The following TANGO2 variants were observed in gnomAD, a reference collection of about 807,000 sequenced individuals.
TANGO2 encodes transport and golgi organization 2 homolog, also known as transport and Golgi organization protein 2 homolog.
Under a neutral mutation model 39.1 loss-of-function variants are expected in TANGO2, and 26 were observed. The observed-to-expected ratio is 0.67, with a 90% CI of 0.49 to 0.92. TANGO2 has a LOEUF of 0.92. TANGO2 is among the 40% of genes least tolerant of loss of function. TANGO2 has a pLI of 0.00. For missense variants in TANGO2, 326 were observed against 360.1 expected (o/e 0.91, Z 0.77); for synonymous variants, 131 against 144.5 (o/e 0.91, Z 0.67).
At chr22:20,027,299 C>G (rs1303225376) in intron 1 of TANGO2, among the ~76,000 whole-genome samples, 1 of 152,192 alleles carries the variant, frequency 6.6e-6, no homozygotes, top group Non-Finnish European at 1.5e-5. Context: ...GAATTAAATT[C>G]AACGTGAGAT....
rs1484312100 is a variant in TANGO2, at chr22:20,050,839, TG to T, written c.146-1623del. Among the ~76,000 whole-genome samples the T allele has an allele frequency of 4.9e-4, 70 of 143,822 alleles. 1 individual carries two copies. The East Asian group carries it at 0.013, about 27-fold the overall frequency. 94.4% of individuals were successfully genotyped at this position (143,822 alleles called of 152,430 possible). A position where few individuals can be genotyped will look rare whatever the true frequency, so the allele number is the denominator to read the frequency against. ...CTGCTGGTTGCAAATACAGTTTTGT[TG>T]GGTTTTTTTTTTTTTTTTGAGACAG... On this transcript the variant is annotated intron_variant, in intron 3 of 8. Coordinates refer to ENST00000327374, the MANE Select transcript of TANGO2 (RefSeq NM_152906.7).
intron 2 of TANGO2, among the ~76,000 whole-genome samples, chr22:20,040,929 G>A (rs977169030): frequency 6.6e-6 from 1 of 152,224 alleles, no homozygotes; most frequent in Non-Finnish European, 1.5e-5. Context: ...CCTGGGGCCA[G>A]CTGGGTGTCA....
chr22:20,038,422 C>G (rs1168997642), intron 2 of TANGO2, among the ~76,000 whole-genome samples: 3 of 152,184 alleles, frequency 2.0e-5, no homozygotes, highest in African/African-American at 7.2e-5. Context: ...GAGACTCAAC[C>G]CACCCCGAGT....
intron 2 of TANGO2, among the ~76,000 whole-genome samples, chr22:20,038,813 CT>C (rs1465556888): frequency 1.3e-5 from 2 of 152,122 alleles, no homozygotes; most frequent in Non-Finnish European, 2.9e-5. Flanking sequence ...TATGGAGCCC[CT>C]GACAGCACCT....
chr22:20,032,481 G>A (rs1297443347), intron 1 of TANGO2, among the ~76,000 whole-genome samples: 1 of 152,278 alleles, frequency 6.6e-6, no homozygotes, highest in African/African-American at 2.4e-5. Flanking sequence ...AGACCCTCCT[G>A]CCTGCCTCTT....
chr22:20,043,451 T>C lies in TANGO2; in HGVS notation c.145+8T>C. 1 of 1,603,866 alleles carries C rather than the reference T, an allele frequency of 6.2e-7. No individual in the cohort carries two copies. On this transcript the variant is annotated splice_region_variant and intron_variant, in intron 3 of 8. Transcript: ENST00000327374. Reference sequence around the variant, plus strand: ...ACAACGAGATCCTCAGTGGTGAGTCTTCCTGCGTGCTCAGCGGTGGCTGCG... The same window carrying C: ...ACAACGAGATCCTCAGTGGTGAGTCCTCCTGCGTGCTCAGCGGTGGCTGCG...
intron 1 of TANGO2, among the ~76,000 whole-genome samples, chr22:20,026,041 G>A (rs1392726323): frequency 1.3e-5 from 2 of 152,234 alleles, no homozygotes; most frequent in East Asian, 3.9e-4. Flanking sequence ...TTGGCTGTGC[G>A]TTTGGGAAGC....
At position 20,038,519 on chromosome 22, in the gene TANGO2, T is replaced by C. The variant is rs376632686; in HGVS notation, c.56+1665T>C. ...GCCCCTTGGGTGGAGAGGAGGAGGG[T>C]TGACATGGGCCCCTCTTGCTTTCAC... On this transcript the variant is annotated intron_variant, in intron 2 of 8. Transcript: ENST00000327374. Among the ~76,000 whole-genome samples the C allele has an allele frequency of 1.1e-4, 16 of 151,994 alleles. No individual in the cohort carries two copies. The East Asian group carries it at 1.5e-3, about 15-fold the overall frequency.
Position 20,064,876 on chromosome 22 carries a change from A to T in TANGO2, c.*214A>T, listed in dbSNP as rs1356411112. ...TGCCAGTGAGGAGCAGCAGAGTCTG[A>T]TACTAGGTCTAGGACCGGCCGAGGT... On this transcript the variant is annotated 3_prime_UTR_variant, in exon 9 of 9. Transcript: ENST00000327374. The T allele has an allele frequency of 1.6e-5, 10 of 614,778 alleles. No individual in the cohort carries two copies. Among genetic ancestry groups the T allele is most frequent in the Non-Finnish European group, 2.5e-5 (9 of 360,540 alleles). The allele number at this position is 614,778 out of a possible 1,614,324, so 38.1% of individuals were successfully genotyped here. A position where few individuals can be genotyped will look rare whatever the true frequency, so the allele number is the denominator to read the frequency against.
At chr22:20,031,534 G>A (rs986949514) in intron 1 of TANGO2, among the ~76,000 whole-genome samples, 4 of 152,204 alleles carry the variant, frequency 2.6e-5, no homozygotes, top group African/African-American at 9.6e-5. Context: ...TGCCCACACG[G>A]CCTCCTGTTG....
chr22:20,044,789 T>G (rs2044776680), intron 3 of TANGO2, among the ~76,000 whole-genome samples: 1 of 152,114 alleles, frequency 6.6e-6, no homozygotes, highest in South Asian at 2.1e-4. Flanking sequence ...GGTGGAAGGT[T>G]TTCATAGATG....
chr22:20,035,885 C>T (rs1387860337), intron 1 of TANGO2, among the ~76,000 whole-genome samples: 1 of 152,138 alleles, frequency 6.6e-6, no homozygotes, highest in Non-Finnish European at 1.5e-5. Flanking sequence ...ATTGGCTTAG[C>T]TCAGCAAACT....
intron 1 of TANGO2, among the ~76,000 whole-genome samples, chr22:20,035,595 C>T (rs1447261770): frequency 6.6e-6 from 1 of 152,206 alleles, no homozygotes; most frequent in Admixed American, 6.5e-5. Flanking sequence ...GCTAAGTGTG[C>T]AGTCACCCAG....
intron 4 of TANGO2, among the ~76,000 whole-genome samples, chr22:20,052,903 G>A (rs1383672946): frequency 6.6e-6 from 1 of 152,178 alleles, no homozygotes; most frequent in East Asian, 1.9e-4. Flanking sequence ...CCGCCACTGA[G>A]GTGTGCTGCA....
chr22:20,042,671 G>A (rs748359538), intron 2 of TANGO2, among the ~76,000 whole-genome samples: 9 of 152,006 alleles, frequency 5.9e-5, no homozygotes, highest in African/African-American at 1.4e-4. Context: ...AGGCTGAGGC[G>A]GGAGAATAGC....
At chr22:20,055,789 C>T (rs1602290859) in intron 5 of TANGO2, 154 bp from the exon 6 acceptor site, 4 of 667,490 alleles carry the variant, frequency 6.0e-6, no homozygotes, top group East Asian at 5.4e-5. Context: ...CTGCCAGGCA[C>T]CTGAGGGGCT....
At chr22:20,054,402 G>T (rs987827000) in intron 5 of TANGO2, 2 of 153,168 alleles carry the variant, frequency 1.3e-5, no homozygotes, top group East Asian at 1.9e-4. Context: ...CACTTTTCCC[G>T]GTCAGTAGTT....
At chr22:20,064,279 G>A (rs1414811477) in intron 8 of TANGO2, among the ~76,000 whole-genome samples, 5 of 152,228 alleles carry the variant, frequency 3.3e-5, no homozygotes, top group Non-Finnish European at 1.5e-5. Context: ...TACACGGGGA[G>A]AGCAGGGCAG....
At position 20,065,087 on chromosome 22, in the gene TANGO2, GACAC is replaced by G. The variant is rs372265007; in HGVS notation, c.*435_*438del. 13 of 184,704 alleles carry G rather than the reference GACAC, an allele frequency of 7.0e-5. No individual in the cohort carries two copies. In the South Asian group the frequency reaches 8.5e-4, roughly 12 times the overall value. The allele number at this position is 184,704 out of a possible 1,614,324, so 11.4% of individuals were successfully genotyped here. A position where few individuals can be genotyped will look rare whatever the true frequency, so the allele number is the denominator to read the frequency against. Reference sequence around the variant, plus strand: ...ATGTGCACACATGCACAGTTGCACAGACACACACACACAGGTGCACACACACGAT... The same window carrying G: ...ATGTGCACACATGCACAGTTGCACAGACACACACAGGTGCACACACACGAT... On this transcript the variant is annotated 3_prime_UTR_variant, in exon 9 of 9. Transcript: ENST00000327374.
Sources: gnomAD v4.1 joint callset for allele counts (sites outside exome capture counted in the v4.1 genomes callset) on GRCh38, gnomAD v4.1.1 for gene constraint, MANE v1.5 for transcripts, NCBI Gene and HGNC (gene_info 2026-07-23, HGNC 2026-07-21) for gene names.